The following PIK3C2G variants were observed in gnomAD, a reference collection of about 807,000 sequenced individuals.
PIK3C2G encodes phosphatidylinositol-4-phosphate 3-kinase catalytic subunit type 2 gamma.
PIK3C2G carries 168 observed loss-of-function variants against 181.1 expected under a neutral mutation model. That is an observed-to-expected ratio of 0.93 (90% CI 0.82 to 1.05). The LOEUF (loss-of-function observed/expected upper bound fraction) is 1.05, where lower values mean the gene tolerates loss of function less well. Among genes scored for constraint, PIK3C2G ranks in the 50% least tolerant of loss-of-function variants. The pLI, the probability that PIK3C2G is intolerant of heterozygous loss-of-function variation, is 0.00. For synonymous variants in PIK3C2G, 573 were observed against 592.2 expected (o/e 0.97, Z 0.47); for missense variants, 1,869 against 1,732.8 (o/e 1.08, Z -1.40).
intron 11 of PIK3C2G, among the ~76,000 whole-genome samples, chr12:18,354,833 T>A (rs1280074303): frequency 6.6e-6 from 1 of 152,194 alleles, no homozygotes; most frequent in Admixed American, 6.5e-5. Flanking sequence ...CCCTTCCTTC[T>A]TTCAGCAAAA....
intron 14 of PIK3C2G, among the ~76,000 whole-genome samples, chr12:18,388,077 T>C (rs919417190): frequency 4.6e-5 from 7 of 152,216 alleles, no homozygotes; most frequent in Admixed American, 3.3e-4. Flanking sequence ...ACAAAGTTTT[T>C]AGAACACATT....
intron 24 of PIK3C2G, among the ~76,000 whole-genome samples, chr12:18,520,765 G>A (rs1320333566): frequency 6.6e-6 from 1 of 152,104 alleles, no homozygotes; most frequent in Non-Finnish European, 1.5e-5. Context: ...TTGCTGGACA[G>A]GTGTTGCAGT....
chr12:18,559,089 C>A (rs1028069396), intron 26 of PIK3C2G, among the ~76,000 whole-genome samples: 8 of 152,308 alleles, frequency 5.3e-5, no homozygotes, highest in Middle Eastern at 3.4e-3. Flanking sequence ...TGATGTCAAA[C>A]TGCTTACAGT....
At chr12:18,490,709 T>C (rs546459943) in intron 19 of PIK3C2G, among the ~76,000 whole-genome samples, 1 of 152,222 alleles carries the variant, frequency 6.6e-6, no homozygotes, top group Admixed American at 6.5e-5. Flanking sequence ...AATGACAGGA[T>C]CTCATTCCTT....
intron 12 of PIK3C2G, among the ~76,000 whole-genome samples, chr12:18,365,306 C>T (rs1423523372): frequency 1.3e-5 from 2 of 152,228 alleles, no homozygotes; most frequent in East Asian, 1.9e-4. Context: ...CTGCTCCATC[C>T]TCCTGCCAGC....
chr12:18,383,127 G>A (rs1402775315), intron 14 of PIK3C2G, among the ~76,000 whole-genome samples: 1 of 152,168 alleles, frequency 6.6e-6, no homozygotes, highest in East Asian at 1.9e-4. Context: ...ATAAAGAGGA[G>A]AGACTCATCA....
chr12:18,312,469 C>T (rs1950680660), intron 5 of PIK3C2G, among the ~76,000 whole-genome samples: 1 of 152,012 alleles, frequency 6.6e-6, no homozygotes, highest in South Asian at 2.1e-4. Flanking sequence ...GGAAACAGAG[C>T]TCTTAGCATG....
intron 31 of PIK3C2G, among the ~76,000 whole-genome samples, chr12:18,627,744 C>T (rs1415675158): frequency 6.6e-6 from 1 of 152,154 alleles, no homozygotes; most frequent in East Asian, 1.9e-4. Flanking sequence ...TTAAAAACTG[C>T]AATGTGACAG....
chr12:18,318,323 T>A (rs894064991), intron 6 of PIK3C2G, among the ~76,000 whole-genome samples: 1 of 152,170 alleles, frequency 6.6e-6, no homozygotes, highest in African/African-American at 2.4e-5. Context: ...AAGATGTATA[T>A]GATTTATTGA....
Position 18,505,391 on chromosome 12 carries a change from T to A in PIK3C2G, c.3253T>A (p.Ser1085Thr). The change falls in exon 24 of 33, where the codon TCG (serine) becomes ACG (threonine). Residue 1085 changes from serine to threonine, a missense_variant. Physicochemically the swap from Ser to Thr is moderately conservative, Grantham distance 58 (BLOSUM62 1). Coordinates refer to ENST00000538779, the MANE Select transcript of PIK3C2G (RefSeq NM_001288772.2). ...CAATGATAATATCATGCTGACAAAG[T>A]CGGGCCACATGTTTCATATTGACTT... ...RHNDNIMLTK[S>T]GHMFHIDFGK... The A allele has an allele frequency of 6.2e-7, 1 of 1,613,448 alleles. No individual in the cohort carries two copies. The highest frequency in any genetic ancestry group is 8.5e-7 in the Non-Finnish European group (1 of 1,179,672).
intron 7 of PIK3C2G, among the ~76,000 whole-genome samples, chr12:18,322,239 G>T (rs766150796): frequency 6.6e-6 from 1 of 151,736 alleles, no homozygotes; most frequent in African/African-American, 2.4e-5. Context: ...AAAATTAGCC[G>T]GGCATGGTGG....
chr12:18,399,487 T>G (rs1944117139), intron 15 of PIK3C2G, among the ~76,000 whole-genome samples, 172 bp from the exon 16 acceptor site: 1 of 151,510 alleles, frequency 6.6e-6, no homozygotes, highest in African/African-American at 2.4e-5. Flanking sequence ...TAGTGGAAAA[T>G]AAACTGATGA....
chr12:18,378,258 A>G (rs1399317034), intron 13 of PIK3C2G, among the ~76,000 whole-genome samples: 1 of 152,084 alleles, frequency 6.6e-6, no homozygotes, highest in African/African-American at 2.4e-5. Flanking sequence ...AACACATTCC[A>G]CAACTTAGGT....
At chr12:18,465,334 A>G (rs886595838) in intron 18 of PIK3C2G, among the ~76,000 whole-genome samples, 1 of 151,864 alleles carries the variant, frequency 6.6e-6, no homozygotes, top group African/African-American at 2.4e-5. Flanking sequence ...GTTCTATTTT[A>G]CTGTATATTT....
At chr12:18,316,983 C>T (rs558280428) in intron 6 of PIK3C2G, among the ~76,000 whole-genome samples, 46 of 151,110 alleles carry the variant, frequency 3.0e-4, no homozygotes, top group African/African-American at 1.0e-3. Flanking sequence ...AAAGGCATTC[C>T]GTATCCCCAT....
At chr12:18,292,068 G>A (rs1949711564) in intron 4 of PIK3C2G, among the ~76,000 whole-genome samples, 1 of 150,696 alleles carries the variant, frequency 6.6e-6, no homozygotes, top group African/African-American at 2.4e-5. Context: ...AAATTAGCCA[G>A]GTGTGATGGC....
chr12:18,392,468 C>T (rs1434157325), intron 15 of PIK3C2G, among the ~76,000 whole-genome samples: 1 of 152,120 alleles, frequency 6.6e-6, no homozygotes, highest in African/African-American at 2.4e-5. Flanking sequence ...TTCAAATGTG[C>T]TAGTCCTGCT....
the PIK3C2G span, among the ~76,000 whole-genome samples, chr12:18,684,581 C>T: frequency 6.6e-6 from 1 of 151,984 alleles, no homozygotes; most frequent in East Asian, 1.9e-4. Flanking sequence ...TAAGGTTTCA[C>T]ATATGTGGTC....
intron 1 of PIK3C2G, among the ~76,000 whole-genome samples, chr12:18,272,269 T>C (rs920477945): frequency 6.6e-6 from 1 of 152,190 alleles, no homozygotes; most frequent in African/African-American, 2.4e-5. Context: ...TTTAGTTTAA[T>C]GTGTACCTCT....
Sources: gnomAD v4.1 joint callset for allele counts (sites outside exome capture counted in the v4.1 genomes callset) on GRCh38, gnomAD v4.1.1 for gene constraint, MANE v1.5 for transcripts, NCBI Gene and HGNC (gene_info 2026-07-23, HGNC 2026-07-21) for gene names.